The following TRAPPC9 variants were observed in gnomAD, a reference collection of about 807,000 sequenced individuals.
TRAPPC9 encodes IKK2 binding protein.
In TRAPPC9, 83 loss-of-function variants were observed where a neutral mutation model predicts 124.0. That is an observed-to-expected ratio of 0.67 (90% CI 0.56 to 0.80). The LOEUF is 0.80. Ranked by LOEUF, TRAPPC9 falls within the 30% of genes least tolerant of loss-of-function variation. The probability of loss-of-function intolerance (pLI) is 0.00; values close to 1 mark genes in which losing one functional copy is unlikely to be tolerated. For missense variants in TRAPPC9, 1,302 were observed against 1,508.3 expected (o/e 0.86, Z 2.27); for synonymous variants, 638 against 617.5 (o/e 1.03, Z -0.49).
chr8:140,159,161 T>G (rs1490507932), intron 17 of TRAPPC9, among the ~76,000 whole-genome samples: 1 of 152,206 alleles, frequency 6.6e-6, no homozygotes, highest in African/African-American at 2.4e-5. Flanking sequence ...AGCCTGCAAG[T>G]CTCTTCCTCT....
intron 17 of TRAPPC9, among the ~76,000 whole-genome samples, chr8:140,109,112 T>C (rs1184645779): frequency 6.6e-6 from 1 of 152,176 alleles, no homozygotes; most frequent in Non-Finnish European, 1.5e-5. Context: ...TTTATAAAAA[T>C]TATATAATGA....
At chr8:139,931,017 G>A (rs564867448) in intron 19 of TRAPPC9, among the ~76,000 whole-genome samples, 1 of 152,116 alleles carries the variant, frequency 6.6e-6, no homozygotes, top group African/African-American at 2.4e-5. Context: ...CCTGTTCCCT[G>A]TCTGTCCAGG....
chr8:139,868,748 G>A (rs992933946), intron 21 of TRAPPC9, among the ~76,000 whole-genome samples: 9 of 152,216 alleles, frequency 5.9e-5, no homozygotes, highest in African/African-American at 2.2e-4. Context: ...TATTTATTGC[G>A]CATGTAATAG....
chr8:140,145,094 T>A (rs2061439663), intron 17 of TRAPPC9, among the ~76,000 whole-genome samples: 1 of 151,862 alleles, frequency 6.6e-6, no homozygotes, highest in Admixed American at 6.6e-5. Context: ...CAGGCTGGTC[T>A]CAAACTCCTG....
chr8:140,064,134 C>CTCGACTG (rs369754471), intron 17 of TRAPPC9, among the ~76,000 whole-genome samples: 3 of 152,102 alleles, frequency 2.0e-5, no homozygotes, highest in African/African-American at 7.2e-5. Context: ...ATTTTCCCAA[C>CTCGACTG]TCGACTGTTA....
chr8:140,240,841 C>G (rs1411718763), intron 16 of TRAPPC9, among the ~76,000 whole-genome samples: 1 of 152,184 alleles, frequency 6.6e-6, no homozygotes, highest in Non-Finnish European at 1.5e-5. Flanking sequence ...CACCCAGCCC[C>G]ACTCACCTTC....
At chr8:140,318,755 T>A (rs368172029) in intron 9 of TRAPPC9, among the ~76,000 whole-genome samples, 1 of 152,274 alleles carries the variant, frequency 6.6e-6, no homozygotes, top group African/African-American at 2.4e-5. Context: ...ACATACCACA[T>A]TTTCTTTATG....
At chr8:139,828,130 G>A (rs1825758398) in intron 21 of TRAPPC9, among the ~76,000 whole-genome samples, 1 of 132,154 alleles carries the variant, frequency 7.6e-6, no homozygotes, top group Non-Finnish European at 1.7e-5. Flanking sequence ...CCCAACTACA[G>A]CAAGCTTCCC....
intron 19 of TRAPPC9, among the ~76,000 whole-genome samples, chr8:139,976,676 A>C (rs1305299583): frequency 6.6e-6 from 1 of 152,202 alleles, no homozygotes; most frequent in African/African-American, 2.4e-5. Context: ...GCCCTTGGAG[A>C]GGTAAATGAA....
chr8:140,197,563 T>C (rs1204978811), intron 17 of TRAPPC9, among the ~76,000 whole-genome samples: 1 of 152,210 alleles, frequency 6.6e-6, no homozygotes, highest in Non-Finnish European at 1.5e-5. Context: ...GAGATGCATC[T>C]GCCTCGGTAT....
intron 14 of TRAPPC9, among the ~76,000 whole-genome samples, chr8:140,280,329 G>A (rs995180564): frequency 3.9e-5 from 6 of 152,178 alleles, no homozygotes; most frequent in African/African-American, 1.4e-4. Flanking sequence ...TTTCTAAACA[G>A]CATGTGCAGG....
At chr8:140,243,290 T>C (rs1177505492) in intron 16 of TRAPPC9, among the ~76,000 whole-genome samples, 4 of 152,204 alleles carry the variant, frequency 2.6e-5, no homozygotes, top group South Asian at 2.1e-4. Flanking sequence ...GAGGAGCCCA[T>C]CTTCCTCTAC....
rs933348863 is a variant in TRAPPC9, at chr8:140,131,307, C to A, written c.2556+90152G>T. Among the ~76,000 whole-genome samples the A allele has an allele frequency of 4.6e-5, 7 of 152,186 alleles. No individual in the cohort carries two copies. The East Asian group carries it at 1.3e-3, about 29-fold the overall frequency. ...ATACATAAAGGACTGCCACATTTCC[C>A]TGCAGAAACATTACACTAAACTATA... On this transcript the variant is annotated intron_variant, in intron 17 of 22. Coordinates refer to ENST00000438773, the MANE Select transcript of TRAPPC9 (RefSeq NM_001160372.4).
chr8:140,296,921 G>A (rs1212005097), intron 11 of TRAPPC9, among the ~76,000 whole-genome samples: 1 of 152,242 alleles, frequency 6.6e-6, no homozygotes, highest in East Asian at 1.9e-4. Flanking sequence ...AAGGTCCCAG[G>A]GGGAAGAGCC....
At chr8:140,340,510 T>C (rs1450804105) in intron 9 of TRAPPC9, among the ~76,000 whole-genome samples, 3 of 152,210 alleles carry the variant, frequency 2.0e-5, no homozygotes, top group Non-Finnish European at 2.9e-5. Context: ...ACTGTTGAAA[T>C]CCCACTGTGG....
At chr8:140,185,362 C>T (rs1254333402) in intron 17 of TRAPPC9, among the ~76,000 whole-genome samples, 1 of 152,210 alleles carries the variant, frequency 6.6e-6, no homozygotes, top group African/African-American at 2.4e-5. Flanking sequence ...GTGGCCTGGT[C>T]AGGACATAGA....
At chr8:139,988,990 G>A (rs1453909187) in intron 18 of TRAPPC9, among the ~76,000 whole-genome samples, 154 bp from the exon 19 acceptor site, 1 of 152,220 alleles carries the variant, frequency 6.6e-6, no homozygotes, top group Non-Finnish European at 1.5e-5. Flanking sequence ...TACGGAGACT[G>A]GTTCTGAACA....
At chr8:140,425,209 T>C (rs2070380513) in intron 5 of TRAPPC9, among the ~76,000 whole-genome samples, 1 of 152,244 alleles carries the variant, frequency 6.6e-6, no homozygotes, top group Non-Finnish European at 1.5e-5. Flanking sequence ...TAGCAGGAAC[T>C]GGCGTGGCCT....
At chr8:140,146,864 C>CA (rs11460861) in intron 17 of TRAPPC9, among the ~76,000 whole-genome samples, 74,726 of 125,024 alleles carry the variant, frequency 0.6, 21,162 homozygotes, top group African/African-American at 0.77. Context: ...GTTTTCTAAC[C>CA]AAAAAAAAAA....
Sources: allele counts gnomAD v4.1 joint callset (sites outside exome capture counted in the v4.1 genomes callset), GRCh38; gene constraint gnomAD v4.1.1; transcripts MANE v1.5; gene names NCBI Gene and HGNC (gene_info 2026-07-23, HGNC 2026-07-21).